PKN2: variants seen among roughly 807,000 people sequenced by gnomAD.
PKN2 encodes the protein protein kinase N2.
In PKN2, 38 loss-of-function variants were observed where a neutral mutation model predicts 119.1. That is an observed-to-expected ratio of 0.32 (90% CI 0.25 to 0.42). PKN2 has a LOEUF of 0.42. Ranked by LOEUF, PKN2 falls within the 10% of genes least tolerant of loss-of-function variation. The pLI is 1.00. For synonymous variants in PKN2, 390 were observed against 384.9 expected (o/e 1.01, Z -0.15); for missense variants, 850 against 1,165.1 (o/e 0.73, Z 3.94).
At chr1:88,805,357 TA>T in intron 10 of PKN2, 139 bp from the exon 11 acceptor site, 1 of 664,814 alleles carries the variant, frequency 1.5e-6, no homozygotes, top group Non-Finnish European at 2.5e-6. Context: ...TAGCAAATAG[TA>T]AAAAACTAGT....
At chr1:88,695,735 A>G (rs901574902) in intron 1 of PKN2, among the ~76,000 whole-genome samples, 2 of 152,132 alleles carry the variant, frequency 1.3e-5, no homozygotes, top group Non-Finnish European at 2.9e-5. Context: ...TGGTAAGGTT[A>G]TACTTTCCTG....
At chr1:88,808,973 T>G (rs1011815367) in intron 15 of PKN2, among the ~76,000 whole-genome samples, 1 of 152,226 alleles carries the variant, frequency 6.6e-6, no homozygotes, top group African/African-American at 2.4e-5. Context: ...TTGGTAATAC[T>G]TGCCTTAATG....
At chr1:88,760,138 T>C (rs1570589298) in intron 2 of PKN2, 84 bp from the exon 3 acceptor site, 2 of 757,336 alleles carry the variant, frequency 2.6e-6, no homozygotes, top group East Asian at 2.8e-5. Context: ...GTTTGAAAAA[T>C]GCTGTTTATT....
intron 2 of PKN2, among the ~76,000 whole-genome samples, 200 bp downstream of exon 2, chr1:88,741,488 T>A (rs955837145): frequency 5.9e-5 from 9 of 152,126 alleles, no homozygotes; most frequent in Admixed American, 1.3e-4. Context: ...AAATGTTTAC[T>A]TAGAATTTAA....
At chr1:88,691,974 A>G (rs996926472) in intron 1 of PKN2, among the ~76,000 whole-genome samples, 5 of 151,632 alleles carry the variant, frequency 3.3e-5, no homozygotes, top group Non-Finnish European at 7.4e-5. Context: ...GTGTAAATAG[A>G]GTTTAGTACT....
At chr1:88,695,257 TAATC>T (rs1666495705) in intron 1 of PKN2, among the ~76,000 whole-genome samples, 1 of 152,214 alleles carries the variant, frequency 6.6e-6, no homozygotes, top group African/African-American at 2.4e-5. Context: ...TTGCAAAAAT[TAATC>T]AAATATGATT....
intron 8 of PKN2, 117 bp downstream of exon 8, chr1:88,786,330 AT>A (rs3215731): frequency 1.7e-3 from 824 of 494,472 alleles, no homozygotes; most frequent in South Asian, 2.6e-3. Flanking sequence ...TAGAACTTAG[AT>A]TTTTTTTTTA....
intron 1 of PKN2, among the ~76,000 whole-genome samples, chr1:88,721,821 G>T (rs765138743): frequency 9.1e-4 from 138 of 152,282 alleles, no homozygotes; most frequent in Non-Finnish European, 1.3e-3. Flanking sequence ...AGGGTGCTTG[G>T]ATAAACCTCA....
intron 18 of PKN2, among the ~76,000 whole-genome samples, chr1:88,827,640 T>TTCCCTCC (rs1672557007): frequency 9.7e-6 from 1 of 102,812 alleles, no homozygotes; most frequent in African/African-American, 4.2e-5. Context: ...TTCCCTTCCC[T>TTCCCTCC]CCCCTCTTCT....
chr1:88,699,265 T>C (rs1300018322), intron 1 of PKN2, among the ~76,000 whole-genome samples: 1 of 152,200 alleles, frequency 6.6e-6, no homozygotes, highest in Non-Finnish European at 1.5e-5. Context: ...TTTATTTTTC[T>C]TTCGGCTCAC....
intron 19 of PKN2, chr1:88,829,003 C>T (rs1323967204): frequency 1.6e-6 from 1 of 641,660 alleles, no homozygotes; most frequent in Admixed American, 2.1e-5. Context: ...CCTTCGACTT[C>T]CTCCAGACTT....
chr1:88,812,285 G>A (rs938090194), intron 15 of PKN2, among the ~76,000 whole-genome samples: 1 of 152,114 alleles, frequency 6.6e-6, no homozygotes, highest in African/African-American at 2.4e-5. Context: ...CCTGTGAATG[G>A]CATTGAAATC....
At chr1:88,761,752 G>A (rs1049584934) in intron 3 of PKN2, among the ~76,000 whole-genome samples, 2 of 151,804 alleles carry the variant, frequency 1.3e-5, no homozygotes, top group Admixed American at 6.6e-5. Flanking sequence ...TACTTTTAGA[G>A]AAATGTATTT....
chr1:88,793,009 A>G (rs975833198), intron 8 of PKN2, among the ~76,000 whole-genome samples: 3 of 152,212 alleles, frequency 2.0e-5, no homozygotes, highest in Admixed American at 6.5e-5. Flanking sequence ...GCTCAGGCAG[A>G]AATAATTAGA....
At chr1:88,777,929 A>C (rs1053893972) in intron 6 of PKN2, among the ~76,000 whole-genome samples, 2 of 152,170 alleles carry the variant, frequency 1.3e-5, no homozygotes, top group African/African-American at 4.8e-5. Flanking sequence ...TCATCTACAA[A>C]ATGAGAACCT....
Position 88,804,887 on chromosome 1 carries a change from T to A in PKN2, c.1467T>A (p.Leu489=). The part of the protein sequence containing the change: ...FNPVIERRPK[L]QRQKKIFSKQ... ...CAGTTATTGAAAGAAGACCAAAACT[T>A]CAAAGACAAAAGAAAATTTTTTCAA... Residue 489 remains leucine (L), a synonymous_variant, in exon 10 of 22, where the codon CTT becomes CTA. Coordinates refer to ENST00000370521, the MANE Select transcript of PKN2 (RefSeq NM_006256.4). The A allele has an allele frequency of 6.3e-7, 1 of 1,575,846 alleles. No individual in the cohort carries two copies. The highest frequency in any genetic ancestry group is 8.7e-7 in the Non-Finnish European group (1 of 1,152,978).
chr1:88,751,264 T>C (rs1367363809), intron 2 of PKN2, among the ~76,000 whole-genome samples: 1 of 152,112 alleles, frequency 6.6e-6, no homozygotes, highest in Non-Finnish European at 1.5e-5. Flanking sequence ...CTTTGCAGTA[T>C]GTTTGAAAAT....
At chr1:88,747,040 CTTA>C (rs1255867936) in intron 2 of PKN2, among the ~76,000 whole-genome samples, 1 of 152,090 alleles carries the variant, frequency 6.6e-6, no homozygotes, top group Non-Finnish European at 1.5e-5. Context: ...TGTGTGGAAT[CTTA>C]AAAAGACAAA....
chr1:88,780,842 A>G (rs1350510118), intron 6 of PKN2, among the ~76,000 whole-genome samples: 2 of 152,184 alleles, frequency 1.3e-5, no homozygotes, highest in African/African-American at 2.4e-5. Context: ...TTGAATAACA[A>G]TATTTCTAGA....
Sources: gnomAD v4.1 joint callset for allele counts (sites outside exome capture counted in the v4.1 genomes callset) on GRCh38, gnomAD v4.1.1 for gene constraint, MANE v1.5 for transcripts, NCBI Gene and HGNC (gene_info 2026-07-23, HGNC 2026-07-21) for gene names.